The following KCTD16 variants were observed in gnomAD, a reference collection of about 807,000 sequenced individuals.
KCTD16 encodes BTB/POZ domain-containing protein KCTD16.
Under a neutral mutation model 33.2 loss-of-function variants are expected in KCTD16, and 13 were observed. The ratio of observed to expected loss-of-function variants is 0.39; its 90% confidence interval spans 0.25 to 0.62. The LOEUF (loss-of-function observed/expected upper bound fraction) is 0.62, where lower values mean the gene tolerates loss of function less well. KCTD16 is among the 20% of genes least tolerant of loss of function. The probability of loss-of-function intolerance (pLI) is 0.50; values close to 1 mark genes in which losing one functional copy is unlikely to be tolerated. For missense variants in KCTD16, 441 were observed against 525.1 expected, an observed-to-expected ratio of 0.84 and a Z score of 1.57; for synonymous variants, 197 against 195.3, an observed-to-expected ratio of 1.01 and a Z score of -0.07.
chr5:144,232,689 A>T (rs1754139012), intron 3 of KCTD16, among the ~76,000 whole-genome samples: 1 of 152,232 alleles, frequency 6.6e-6, no homozygotes, highest in South Asian at 2.1e-4. Context: ...GTTCAATAGA[A>T]ACATAAAATG....
At chr5:144,397,066 C>G (rs1752584553) in intron 3 of KCTD16, among the ~76,000 whole-genome samples, 1 of 141,786 alleles carries the variant, frequency 7.1e-6, no homozygotes, top group African/African-American at 2.6e-5. Context: ...AATGCTATCA[C>G]TCCCCCCTCC....
intron 3 of KCTD16, among the ~76,000 whole-genome samples, chr5:144,285,265 A>G (rs959468604): frequency 6.6e-6 from 1 of 152,236 alleles, no homozygotes; most frequent in Non-Finnish European, 1.5e-5. Context: ...CATCTTTGCC[A>G]TAAGAAGAAA....
At chr5:144,174,172 G>A (rs1013263849) in intron 1 of KCTD16, 135 bp from the exon 2 acceptor site, 7 of 152,160 alleles carry the variant, frequency 4.6e-5, no homozygotes, top group Non-Finnish European at 8.8e-5. Context: ...ATATCATTTA[G>A]TTAGACAGTC....
chr5:144,378,560 T>C (rs1315465956), intron 3 of KCTD16, among the ~76,000 whole-genome samples: 1 of 152,160 alleles, frequency 6.6e-6, no homozygotes, highest in Non-Finnish European at 1.5e-5. Flanking sequence ...TTAAGGCCAA[T>C]ATGCAGGGCT....
chr5:144,463,168 C>A (rs1754242022), intron 3 of KCTD16, among the ~76,000 whole-genome samples: 1 of 151,974 alleles, frequency 6.6e-6, no homozygotes, highest in Admixed American at 6.5e-5. Flanking sequence ...TATTATCAAT[C>A]TATGCAAATG....
intron 3 of KCTD16, among the ~76,000 whole-genome samples, chr5:144,408,410 T>G (rs1403712831): frequency 1.3e-5 from 2 of 152,246 alleles, no homozygotes; most frequent in Non-Finnish European, 2.9e-5. Context: ...ACAGTCAGAT[T>G]GCACTGAGTG....
chr5:144,452,658 A>C (rs1025695033), intron 3 of KCTD16, among the ~76,000 whole-genome samples: 4 of 152,138 alleles, frequency 2.6e-5, no homozygotes, highest in Non-Finnish European at 4.4e-5. Flanking sequence ...CATTTTGAGC[A>C]TTTGAAAATG....
chr5:144,329,348 G>A (rs1752293316), intron 3 of KCTD16, among the ~76,000 whole-genome samples: 1 of 152,176 alleles, frequency 6.6e-6, no homozygotes, highest in African/African-American at 2.4e-5. Flanking sequence ...TGACCCCAGG[G>A]TTGGAAAAGC....
intron 3 of KCTD16, among the ~76,000 whole-genome samples, chr5:144,294,474 ATT>A (rs1755981922): frequency 6.7e-6 from 1 of 150,190 alleles, no homozygotes; most frequent in South Asian, 2.1e-4. Context: ...GTATGTAAGC[ATT>A]TTGTATATAA....
chr5:144,412,300 A>G (rs910345631), intron 3 of KCTD16, among the ~76,000 whole-genome samples: 2 of 152,236 alleles, frequency 1.3e-5, no homozygotes, highest in Admixed American at 1.3e-4. Flanking sequence ...AAATGGATAA[A>G]GAAATGTGGT....
At chr5:144,394,936 T>A (rs931949225) in intron 3 of KCTD16, among the ~76,000 whole-genome samples, 1 of 152,340 alleles carries the variant, frequency 6.6e-6, no homozygotes, top group African/African-American at 2.4e-5. Flanking sequence ...GAAGGTCCTA[T>A]TCTTGATGAG....
intron 3 of KCTD16, among the ~76,000 whole-genome samples, chr5:144,219,206 TA>T (rs1239286444): frequency 1.3e-5 from 2 of 152,114 alleles, no homozygotes; most frequent in African/African-American, 2.4e-5. Flanking sequence ...CCAGCTCTTT[TA>T]TTTTTTTATT....
chr5:144,449,311 G>A (rs558920688), intron 3 of KCTD16, among the ~76,000 whole-genome samples: 18 of 152,020 alleles, frequency 1.2e-4, no homozygotes, highest in African/African-American at 4.3e-4. Flanking sequence ...GATATTGTTA[G>A]AATGTGCATA....
chr5:144,236,133 G>T (rs1754246564), intron 3 of KCTD16, among the ~76,000 whole-genome samples: 1 of 152,256 alleles, frequency 6.6e-6, no homozygotes. Context: ...TAAAAAAATT[G>T]TCTCTGTTCA....
At chr5:144,317,166 A>G (rs1239113616) in intron 3 of KCTD16, among the ~76,000 whole-genome samples, 1 of 151,996 alleles carries the variant, frequency 6.6e-6, no homozygotes, top group South Asian at 2.1e-4. Flanking sequence ...TACCTGATTA[A>G]TTTCAGTTTG....
chr5:144,396,912 TTATA>T (rs200508365), intron 3 of KCTD16, among the ~76,000 whole-genome samples: 12 of 141,058 alleles, frequency 8.5e-5, no homozygotes, highest in East Asian at 2.0e-4. Context: ...ACTTTATTTA[TTATA>T]TATATATATA....
At chr5:144,344,175 G>T (rs1320286337) in intron 3 of KCTD16, among the ~76,000 whole-genome samples, 1 of 152,056 alleles carries the variant, frequency 6.6e-6, no homozygotes, top group Non-Finnish European at 1.5e-5. Context: ...GCTGAAACTG[G>T]ATCCCTTCCT....
chr5:144,336,143 A>T (rs1384307017), intron 3 of KCTD16, among the ~76,000 whole-genome samples: 1 of 152,224 alleles, frequency 6.6e-6, no homozygotes, highest in African/African-American at 2.4e-5. Flanking sequence ...TGGCCCTTGG[A>T]AAAGCAGAGC....
chr5:144,239,922 A>T (rs992327278), intron 3 of KCTD16, among the ~76,000 whole-genome samples: 1 of 152,154 alleles, frequency 6.6e-6, no homozygotes, highest in Non-Finnish European at 1.5e-5. Context: ...TTGGAAATGT[A>T]AAATGCATAG....
Sources: allele counts gnomAD v4.1 joint callset (sites outside exome capture counted in the v4.1 genomes callset), GRCh38; gene constraint gnomAD v4.1.1; transcripts MANE v1.5; gene names NCBI Gene and HGNC (gene_info 2026-07-23, HGNC 2026-07-21).